The following DLGAP2 variants were observed in gnomAD, a reference collection of about 807,000 sequenced individuals.
The protein encoded by DLGAP2 is DLG associated protein 2.
In DLGAP2, 26 loss-of-function variants were observed where a neutral mutation model predicts 100.3. The observed-to-expected ratio is 0.26, with a 90% CI of 0.19 to 0.36. The LOEUF (loss-of-function observed/expected upper bound fraction) is 0.36. Ranked by LOEUF, DLGAP2 falls within the 10% of genes least tolerant of loss-of-function variation. The pLI, the probability that DLGAP2 is intolerant of heterozygous loss-of-function variation, is 1.00. For missense variants in DLGAP2, 1,858 were observed against 1,453.2 expected (o/e 1.28, Z -4.53); for synonymous variants, 886 against 630.1 (o/e 1.41, Z -6.08).
At chr8:1,013,487 C>T (rs888861701) in intron 2 of DLGAP2, among the ~76,000 whole-genome samples, 13 of 152,058 alleles carry the variant, frequency 8.5e-5, no homozygotes, top group African/African-American at 1.9e-4. Context: ...TTTCCCAGGA[C>T]GGGCAGCATC....
chr8:1,426,042 A>G (rs908640228), intron 3 of DLGAP2, among the ~76,000 whole-genome samples: 5 of 152,204 alleles, frequency 3.3e-5, no homozygotes, highest in African/African-American at 9.6e-5. Flanking sequence ...CATGAGAATG[A>G]GACCAAACTC....
intron 2 of DLGAP2, among the ~76,000 whole-genome samples, chr8:1,196,593 C>A (rs1448001008): frequency 6.6e-6 from 1 of 152,222 alleles, no homozygotes; most frequent in Non-Finnish European, 1.5e-5. Flanking sequence ...TCATCACCAA[C>A]AGCACTTGTG....
chr8:804,511 C>T (rs1466718317), intron 1 of DLGAP2, among the ~76,000 whole-genome samples: 2 of 152,222 alleles, frequency 1.3e-5, no homozygotes, highest in African/African-American at 2.4e-5. Flanking sequence ...TATCAGGTGA[C>T]GAGATGCAGG....
chr8:1,684,567 G>A (rs972228652), intron 12 of DLGAP2, among the ~76,000 whole-genome samples: 26 of 152,012 alleles, frequency 1.7e-4, no homozygotes, highest in African/African-American at 5.1e-4. Context: ...ACAGTTCCCC[G>A]AACTGATTGA....
intron 2 of DLGAP2, among the ~76,000 whole-genome samples, chr8:1,234,475 C>G (rs1798602368): frequency 6.6e-6 from 1 of 152,176 alleles, no homozygotes. Flanking sequence ...AATACTGAAT[C>G]AGGGCCTGTC....
At chr8:1,280,661 C>T (rs1426787157) in intron 3 of DLGAP2, among the ~76,000 whole-genome samples, 1 of 152,144 alleles carries the variant, frequency 6.6e-6, no homozygotes, top group Non-Finnish European at 1.5e-5. Flanking sequence ...CCCATGTGAG[C>T]AGGTGCATGG....
intron 4 of DLGAP2, among the ~76,000 whole-genome samples, chr8:1,507,264 C>T (rs886089573): frequency 3.9e-5 from 6 of 152,238 alleles, no homozygotes; most frequent in African/African-American, 1.4e-4. Flanking sequence ...GGGGGAGGCT[C>T]AGGCATGGCG....
rs537485765 is a variant in DLGAP2, at chr8:754,331, C to T, written c.18+16506C>T. The T allele has an allele frequency of 3.3e-5, 5 of 152,300 alleles. No individual in the cohort carries two copies. The South Asian group carries it at 1.0e-3, about 32-fold the overall frequency. 9.4% of individuals were successfully genotyped at this position (152,300 alleles called of 1,614,324 possible). A position where few individuals can be genotyped will look rare whatever the true frequency, so the allele number is the denominator to read the frequency against. ...ACTGACATGGACAGATTTCACTGAA[C>T]CTTAAACAATGGGACAACTCTCTTC... On this transcript the variant is annotated intron_variant, in intron 1 of 14. Coordinates refer to ENST00000637795, the MANE Select transcript of DLGAP2 (RefSeq NM_001346810.2).
intron 4 of DLGAP2, among the ~76,000 whole-genome samples, chr8:1,501,826 G>A (rs906335557): frequency 2.0e-5 from 3 of 152,172 alleles, no homozygotes; most frequent in Middle Eastern, 3.2e-3. Flanking sequence ...TCTCCAGCTG[G>A]CCCCACACAC....
At chr8:1,518,190 A>G (rs535568129) in intron 4 of DLGAP2, among the ~76,000 whole-genome samples, 7 of 152,254 alleles carry the variant, frequency 4.6e-5, no homozygotes, top group East Asian at 1.9e-4. Flanking sequence ...TAGCCTCCCA[A>G]TTGGACACGG....
chr8:1,277,759 C>T (rs1799733476), intron 3 of DLGAP2, among the ~76,000 whole-genome samples: 1 of 152,150 alleles, frequency 6.6e-6, no homozygotes, highest in African/African-American at 2.4e-5. Flanking sequence ...CACCCCCACC[C>T]TTGGCAGGGC....
At chr8:917,343 A>G (rs77076540) in intron 2 of DLGAP2, among the ~76,000 whole-genome samples, 2,026 of 151,448 alleles carry the variant, frequency 0.013, 40 homozygotes, top group African/African-American at 0.046. Context: ...GGCACAAACA[A>G]TCTTTCCACC....
At position 1,251,987 on chromosome 8, in the gene DLGAP2, TGTG is replaced by T. The variant is rs1251691015; in HGVS notation, c.74-6860_74-6858del. Reference sequence around the variant, plus strand: ...TCATGTCATGTCACACTTGTCACACTGTGGTGTTGTCACGTGGGTGTGTTGTGT... The same window carrying T: ...TCATGTCATGTCACACTTGTCACACTGTGTTGTCACGTGGGTGTGTTGTGT... On this transcript the variant is annotated intron_variant, in intron 2 of 14. Transcript: ENST00000637795. Among the ~76,000 whole-genome samples the T allele has an allele frequency of 3.9e-5, 6 of 152,310 alleles. No individual in the cohort carries two copies. The East Asian group carries it at 5.8e-4, about 15-fold the overall frequency.
intron 8 of DLGAP2, among the ~76,000 whole-genome samples, chr8:1,651,289 C>T (rs1261029338): frequency 1.3e-5 from 2 of 152,196 alleles, no homozygotes; most frequent in Admixed American, 1.3e-4. Context: ...GGCCCTTCTT[C>T]ACAGGGTGCC....
At chr8:896,416 CG>C (rs913673150) in intron 1 of DLGAP2, among the ~76,000 whole-genome samples, 3 of 81,976 alleles carry the variant, frequency 3.7e-5, no homozygotes, top group Non-Finnish European at 7.4e-5. Flanking sequence ...GACACCAGGG[CG>C]GGGGGGCTGG....
intron 2 of DLGAP2, among the ~76,000 whole-genome samples, chr8:1,007,865 A>G (rs1032907812): frequency 2.6e-5 from 4 of 152,172 alleles, no homozygotes; most frequent in African/African-American, 4.8e-5. Context: ...CTCAGTTTTT[A>G]TGGCAAGGTC....
chr8:1,096,579 G>A (rs1804376428), intron 2 of DLGAP2, among the ~76,000 whole-genome samples: 1 of 151,780 alleles, frequency 6.6e-6, no homozygotes, highest in Non-Finnish European at 1.5e-5. Flanking sequence ...TGGGAGCCTA[G>A]GGCAGGCCTT....
intron 1 of DLGAP2, among the ~76,000 whole-genome samples, chr8:840,261 C>T (rs1585919244): frequency 1.4e-4 from 1 of 6,922 alleles, no homozygotes; most frequent in Admixed American, 1.6e-3. Context: ...ACGGTGCACG[C>T]CTGCACGTCT....
chr8:1,444,758 G>GAA (rs1797934831), intron 3 of DLGAP2, among the ~76,000 whole-genome samples: 3 of 145,692 alleles, frequency 2.1e-5, no homozygotes, highest in East Asian at 4.2e-4. Context: ...ATCATGCTTT[G>GAA]AGCCAGGTCA....
Sources: gnomAD v4.1 joint callset for allele counts (sites outside exome capture counted in the v4.1 genomes callset) on GRCh38, gnomAD v4.1.1 for gene constraint, MANE v1.5 for transcripts, NCBI Gene and HGNC (gene_info 2026-07-23, HGNC 2026-07-21) for gene names.